The following ROBO1 variants were observed in gnomAD, a reference collection of about 807,000 sequenced individuals.
ROBO1 encodes the protein roundabout homolog 1.
Under a neutral mutation model 195.9 loss-of-function variants are expected in ROBO1, and 149 were observed. The observed-to-expected ratio is 0.76, with a 90% confidence interval of 0.67 to 0.87. ROBO1 has a LOEUF of 0.87. ROBO1 is among the 40% of genes least tolerant of loss of function. ROBO1 has a pLI of 0.00. For synonymous variants in ROBO1, 816 were observed against 733.2 expected, an observed-to-expected ratio of 1.11 and a Z score of -1.82; for missense variants, 1,933 against 2,068.3, an observed-to-expected ratio of 0.93 and a Z score of 1.27.
At chr3:79,554,619 T>C (rs1942635078) in intron 2 of ROBO1, among the ~76,000 whole-genome samples, 1 of 152,054 alleles carries the variant, frequency 6.6e-6, no homozygotes, top group Non-Finnish European at 1.5e-5. Context: ...AGATAAATTT[T>C]TAAGGTATGT....
chr3:78,704,965 C>T (rs17375496), intron 8 of ROBO1, among the ~76,000 whole-genome samples: 35,540 of 152,100 alleles, frequency 0.23, 4,235 homozygotes, highest in African/African-American at 0.25. Flanking sequence ...TTGTGGATTA[C>T]GCCTGCTGAT....
At chr3:78,834,142 T>C (rs1283585174) in intron 4 of ROBO1, among the ~76,000 whole-genome samples, 1 of 152,074 alleles carries the variant, frequency 6.6e-6, no homozygotes, top group Admixed American at 6.6e-5. Flanking sequence ...TAGGAAGAGA[T>C]ACAATGAAGT....
intron 10 of ROBO1, among the ~76,000 whole-genome samples, chr3:78,676,763 C>T (rs1708461100): frequency 6.6e-6 from 1 of 152,154 alleles, no homozygotes; most frequent in African/African-American, 2.4e-5. Context: ...AGGATATTAT[C>T]CAGGAGAACT....
chr3:79,567,930 A>T (rs1243296362), intron 2 of ROBO1, among the ~76,000 whole-genome samples: 1 of 152,122 alleles, frequency 6.6e-6, no homozygotes, highest in African/African-American at 2.4e-5. Flanking sequence ...TTGCTTTCTA[A>T]AAAAAGTATG....
intron 2 of ROBO1, among the ~76,000 whole-genome samples, chr3:79,222,356 T>G (rs1200025170): frequency 6.6e-6 from 1 of 152,084 alleles, no homozygotes; most frequent in Non-Finnish European, 1.5e-5. Context: ...CCTCTTATAT[T>G]TCTTATATTT....
At chr3:79,518,048 G>T (rs1941028592) in intron 2 of ROBO1, among the ~76,000 whole-genome samples, 1 of 152,194 alleles carries the variant, frequency 6.6e-6, no homozygotes, top group South Asian at 2.1e-4. Context: ...CCTGGAGCTT[G>T]CATTGCTGTC....
intron 3 of ROBO1, chr3:79,018,403 T>C: frequency 6.2e-7 from 1 of 1,613,250 alleles, no homozygotes; most frequent in Non-Finnish European, 8.5e-7. Flanking sequence ...AGACGCGGGG[T>C]TACCTGAACA....
chr3:79,390,984 A>C (rs1178415021), intron 2 of ROBO1, among the ~76,000 whole-genome samples: 2 of 152,078 alleles, frequency 1.3e-5, no homozygotes, highest in Non-Finnish European at 2.9e-5. Context: ...AACAATTAGC[A>C]TAGTTCTTAA....
rs1942017498 is a variant in ROBO1, at chr3:79,540,347, C to G, written c.88+49477G>C. 2.0e-5 allele frequency among the ~76,000 whole-genome samples: 3 copies of G among 152,026 alleles called. No homozygotes were observed. The South Asian group carries it at 6.2e-4, about 31-fold the overall frequency. Reference sequence around the variant, plus strand: ...GTCTTGTAGGTTCAGTTGATAAAATCCCCTGTACACATTAAGTGAAATTAT... The same window carrying G: ...GTCTTGTAGGTTCAGTTGATAAAATGCCCTGTACACATTAAGTGAAATTAT... On this transcript the variant is annotated intron_variant, in intron 2 of 30. Transcript: ENST00000464233.
chr3:79,719,883 T>G (rs1006429481), intron 1 of ROBO1, among the ~76,000 whole-genome samples: 3 of 152,212 alleles, frequency 2.0e-5, no homozygotes, highest in African/African-American at 7.2e-5. Flanking sequence ...ATTGTGCTAT[T>G]AAATCATATT....
chr3:78,756,657 G>A (rs569857103), intron 4 of ROBO1, among the ~76,000 whole-genome samples: 3 of 152,256 alleles, frequency 2.0e-5, no homozygotes, highest in Non-Finnish European at 4.4e-5. Flanking sequence ...GTGTGTGCAT[G>A]TGTGTATGTG....
chr3:78,614,504 G>T, intron 28 of ROBO1, 144 bp downstream of exon 28: 1 of 824,238 alleles, frequency 1.2e-6, no homozygotes, highest in Non-Finnish European at 1.8e-6. Flanking sequence ...ATGTAAGTAG[G>T]TCGCTTCTAT....
intron 4 of ROBO1, among the ~76,000 whole-genome samples, chr3:78,860,032 T>C (rs1204112857): frequency 2.0e-5 from 3 of 151,564 alleles, no homozygotes; most frequent in Non-Finnish European, 2.9e-5. Flanking sequence ...TGAGCTGAGA[T>C]TGTGCCACTG....
At chr3:78,814,247 C>A (rs539276789) in intron 4 of ROBO1, among the ~76,000 whole-genome samples, 1 of 151,952 alleles carries the variant, frequency 6.6e-6, no homozygotes, top group East Asian at 1.9e-4. Context: ...ATGTGAGCCA[C>A]ATATGCAATT....
chr3:79,749,522 C>T (rs1395514665), intron 1 of ROBO1, among the ~76,000 whole-genome samples: 1 of 152,168 alleles, frequency 6.6e-6, no homozygotes, highest in Admixed American at 6.5e-5. Context: ...TTCATGGCAG[C>T]CCCTTCCATC....
intron 3 of ROBO1, among the ~76,000 whole-genome samples, chr3:78,981,605 C>A (rs1398075334): frequency 6.6e-6 from 1 of 152,134 alleles, no homozygotes; most frequent in Non-Finnish European, 1.5e-5. Context: ...CATTAAACAA[C>A]TCTCCCTTTT....
intron 3 of ROBO1, among the ~76,000 whole-genome samples, chr3:78,971,421 C>G (rs2076763633): frequency 6.6e-6 from 1 of 152,064 alleles, no homozygotes; most frequent in African/African-American, 2.4e-5. Context: ...GGACTCAACC[C>G]AGGGATTCTG....
chr3:78,920,624 GTTTTTTTTTTTTTTTTT>G (rs34364869), intron 4 of ROBO1, among the ~76,000 whole-genome samples: 16 of 60,950 alleles, frequency 2.6e-4, no homozygotes, highest in Non-Finnish European at 4.5e-4. Flanking sequence ...CTTTCTTTCA[GTTTTTTTTTTTTTTTTT>G]TTTTTTTTTT....
At chr3:79,680,597 C>G (rs1946915499) in intron 1 of ROBO1, among the ~76,000 whole-genome samples, 1 of 151,912 alleles carries the variant, frequency 6.6e-6, no homozygotes, top group African/African-American at 2.4e-5. Context: ...TAAATGGGAG[C>G]CAATTAGCTG....
Sources: allele counts gnomAD v4.1 joint callset (sites outside exome capture counted in the v4.1 genomes callset), GRCh38; gene constraint gnomAD v4.1.1; transcripts MANE v1.5; gene names NCBI Gene and HGNC (gene_info 2026-07-23, HGNC 2026-07-21).